TRIML2: variants seen among roughly 807,000 people sequenced by gnomAD.
The protein encoded by TRIML2 is probable E3 ubiquitin-protein ligase TRIML2.
Under a neutral mutation model 31.2 loss-of-function variants are expected in TRIML2, and 28 were observed. The ratio of observed to expected loss-of-function variants is 0.90; its 90% confidence interval spans 0.66 to 1.23. The LOEUF (loss-of-function observed/expected upper bound fraction) is 1.23. Ranked by LOEUF, TRIML2 falls within the 50% of genes most tolerant of loss-of-function variation. TRIML2 has a pLI of 0.00. For synonymous variants in TRIML2, 187 were observed against 197.5 expected (o/e 0.95, Z 0.45); for missense variants, 536 against 528.3 (o/e 1.01, Z -0.14).
rs553896048 is a variant in TRIML2 at position 188,097,449 on chromosome 4, C to T, written c.622-103G>A. 3 of 1,096,088 alleles carry T rather than the reference C, an allele frequency of 2.7e-6. No individual in the cohort carries two copies. In the African/African-American group the frequency reaches 4.7e-5, roughly 17 times the overall value. 67.9% of individuals were successfully genotyped at this position (1,096,088 alleles called of 1,614,324 possible). ...CTTACAATGAACTCAATTTCCATGT[C>T]ATTTCTTCAACCTCATAATGCTAGT... On this transcript the variant is annotated intron_variant, in intron 5 of 7. Coordinates refer to ENST00000682553, the MANE Select transcript of TRIML2 (RefSeq NM_173553.4).
rs1326660313 is a variant in TRIML2, at chr4:188,105,418, T to C, written c.-50A>G. The C allele has an allele frequency of 8.5e-6, 12 of 1,411,926 alleles. No homozygotes were observed. The South Asian group carries it at 1.0e-4, about 12-fold the overall frequency. 87.5% of individuals were successfully genotyped at this position (1,411,926 alleles called of 1,614,324 possible). On this transcript the variant is annotated 5_prime_UTR_variant, in exon 2 of 8. It adds an upstream start codon to the 5' untranslated region. Coordinates refer to ENST00000682553, the MANE Select transcript of TRIML2 (RefSeq NM_173553.4). The stretch of plus-strand genomic sequence containing the variant: ...ACTGGACTGTATGCTTCTACTGAGG[T>C]ATCTCCCTGCACTGTGAATGAGAAA...
At chr4:188,094,617 T>G (rs995051141) in intron 7 of TRIML2, among the ~76,000 whole-genome samples, 2 of 152,152 alleles carry the variant, frequency 1.3e-5, no homozygotes, top group Non-Finnish European at 2.9e-5. Context: ...GACAAAACAC[T>G]GATGAGAGAA....
Position 188,097,328 on chromosome 4 carries a change from C to G in TRIML2, c.640G>C (p.Glu214Gln), listed in dbSNP as rs771892941. The G allele has an allele frequency of 9.3e-6, 15 of 1,614,044 alleles. No individual in the cohort carries two copies. The highest frequency in any genetic ancestry group is 1.3e-5 in the Non-Finnish European group (15 of 1,179,970). ...ALLKNAKYSL[E>Q]RSKSLLLEHL... Reference sequence around the variant, plus strand: ...GTATCCAAAATGAAAACTCACCTTTCTAAAGAGTATTTTGCATTCTAAGGG... The same window carrying G: ...GTATCCAAAATGAAAACTCACCTTTGTAAAGAGTATTTTGCATTCTAAGGG... Residue 214 changes from glutamate (E) to glutamine (Q), a missense_variant, in exon 6 of 8, where the codon GAA (glutamate) becomes CAA (glutamine). Physicochemically the swap from Glu to Gln is conservative, Grantham distance 29. Coordinates refer to ENST00000682553, the MANE Select transcript of TRIML2 (RefSeq NM_173553.4).
chr4:188,100,538 C>T (rs945037647), intron 4 of TRIML2, among the ~76,000 whole-genome samples: 7 of 151,960 alleles, frequency 4.6e-5, no homozygotes, highest in Non-Finnish European at 7.4e-5. Context: ...CTGGCTAACA[C>T]GGTGAAACCC....
chr4:188,098,123 GAAAAAA>G, intron 5 of TRIML2: 4 of 209,036 alleles, frequency 1.9e-5, no homozygotes, highest in Admixed American at 6.1e-5. Flanking sequence ...CCGTCTCGGG[GAAAAAA>G]AAAAAAAAAA....
At chr4:188,103,710 C>T (rs1027554101) in intron 3 of TRIML2, among the ~76,000 whole-genome samples, 5 of 152,070 alleles carry the variant, frequency 3.3e-5, no homozygotes. Context: ...ATATATTAAA[C>T]TTATTTTGTT....
At chr4:188,092,409 C>G (rs527281302) in intron 7 of TRIML2, among the ~76,000 whole-genome samples, 5 of 151,722 alleles carry the variant, frequency 3.3e-5, no homozygotes, top group Admixed American at 1.3e-4. Context: ...TGCAGTGAGC[C>G]GAGATCACAC....
In TRIML2 at chr4:188,099,163, C is replaced by T. The variant is rs777596147; in HGVS notation, c.493G>A (p.Val165Met). The T allele has an allele frequency of 6.2e-7, 1 of 1,610,928 alleles. No individual in the cohort carries two copies. The highest frequency in any genetic ancestry group is 1.7e-5 in the Admixed American group (1 of 59,266). Residue 165 changes from valine to methionine, a missense_variant, in exon 5 of 8, where the codon GTG (valine) becomes ATG (methionine). Val to Met is a conservative substitution (Grantham distance 21, BLOSUM62 1). Transcript: ENST00000682553. ...AGTTTCTCCATGTTCTCTCTCCCCA[C>T]ACGGCCCAGTCTCTGCAGAAGCATT... ...FQEMLQRLGR[V>M]GRENMEKLKE...
At chr4:188,105,957 T>A (rs1488206182) in intron 1 of TRIML2, 1 of 152,168 alleles carries the variant, frequency 6.6e-6, no homozygotes, top group Non-Finnish European at 1.5e-5. Flanking sequence ...GCTCCAGCGA[T>A]CCTCCCACCT....
At chr4:188,097,435 C>T (rs948191570) in intron 5 of TRIML2, 89 bp from the exon 6 acceptor site, 5 of 1,215,170 alleles carry the variant, frequency 4.1e-6, no homozygotes, top group Non-Finnish European at 6.0e-6. Context: ...TTACAATGAA[C>T]TCAATTTCCA....
Position 188,091,550 on chromosome 4 carries a change from C to T in TRIML2, c.1137G>A (p.Gly379=). 1 of 1,614,128 alleles carries T rather than the reference C, an allele frequency of 6.2e-7. No individual in the cohort carries two copies. The highest frequency in any genetic ancestry group is 1.1e-5 in the South Asian group (1 of 91,080). The part of the protein sequence containing the change: ...TVGVFLDCEH[G]QISFYNVTEM... ...CGGTCACATTGTAGAATGATATCTG[C>T]CCGTGTTCGCAGTCAAGGAAAACGC... Residue 379 remains glycine (G), a synonymous_variant, in exon 8 of 8, where the codon GGG becomes GGA. Coordinates refer to ENST00000682553, the MANE Select transcript of TRIML2 (RefSeq NM_173553.4).
chr4:188,095,462 T>C (rs573275731), intron 7 of TRIML2, among the ~76,000 whole-genome samples: 60 of 152,318 alleles, frequency 3.9e-4, no homozygotes, highest in Middle Eastern at 3.4e-3. Context: ...GGTTTGTACA[T>C]GTATTTCACC....
intron 5 of TRIML2, chr4:188,098,796 C>G (rs1037968481): frequency 8.3e-6 from 4 of 483,418 alleles, no homozygotes; most frequent in Non-Finnish European, 1.5e-5. Context: ...CATCTCAACC[C>G]TAACTTACTG....
chr4:188,108,647 A>C (rs1368851029), intron 1 of TRIML2, among the ~76,000 whole-genome samples: 1 of 151,952 alleles, frequency 6.6e-6, no homozygotes, highest in African/African-American at 2.4e-5. Context: ...ATCACTGTCA[A>C]TCTAGCTGCC....
chr4:188,103,101 C>T (rs1733874313), intron 3 of TRIML2, among the ~76,000 whole-genome samples: 1 of 150,284 alleles, frequency 6.7e-6, no homozygotes, highest in South Asian at 2.1e-4. Flanking sequence ...CAAGCTCCGC[C>T]TCCAAAGTTC....
Position 188,091,763 on chromosome 4 carries a change from C to T in TRIML2, c.924G>A (p.Val308=), listed in dbSNP as rs761778402. ...GCCACCTGGTTGCCTTTTCCACGTC[C>T]ACCTCCCAGTAGTGCCTCCCTGAGG... is the stretch of plus-strand genomic sequence containing the variant. ...SFTSGRHYWE[V]DVEKATRWQV... The change falls in exon 8 of 8, where the codon GTG becomes GTA. Residue 308 remains valine, a synonymous_variant. Transcript: ENST00000682553. 24 of 1,614,102 alleles carry T rather than the reference C, an allele frequency of 1.5e-5. No individual in the cohort carries two copies. Among genetic ancestry groups the T allele is most frequent in the Non-Finnish European group, 1.9e-5 (23 of 1,180,022 alleles).
chr4:188,097,775 A>G (rs1733583698), intron 5 of TRIML2, among the ~76,000 whole-genome samples: 1 of 152,160 alleles, frequency 6.6e-6, no homozygotes. Context: ...CGCTTTCCAG[A>G]TGAGCGCATT....
At chr4:188,092,019 G>A (rs1733286606) in intron 7 of TRIML2, 78 bp from the exon 8 acceptor site, 1 of 1,452,428 alleles carries the variant, frequency 6.9e-7, no homozygotes, top group Non-Finnish European at 9.3e-7. Context: ...AACACACCTG[G>A]GCTTCCCACT....
chr4:188,097,939 T>C (rs1733592069), intron 5 of TRIML2, among the ~76,000 whole-genome samples: 1 of 152,002 alleles, frequency 6.6e-6, no homozygotes, highest in Non-Finnish European at 1.5e-5. Context: ...CTGACCAACA[T>C]GGTGAAACCC....
Sources: allele counts gnomAD v4.1 joint callset (sites outside exome capture counted in the v4.1 genomes callset), GRCh38; gene constraint gnomAD v4.1.1; transcripts MANE v1.5; gene names NCBI Gene and HGNC (gene_info 2026-07-23, HGNC 2026-07-21).